PTPRK: variants seen among roughly 807,000 people sequenced by gnomAD.
The protein encoded by PTPRK is receptor-type tyrosine-protein phosphatase kappa.
PTPRK carries 75 observed loss-of-function variants against 178.0 expected under a neutral mutation model. The observed-to-expected ratio is 0.42, with a 90% CI of 0.35 to 0.51. The LOEUF (loss-of-function observed/expected upper bound fraction) is 0.51, where lower values mean the gene tolerates loss of function less well. Ranked by LOEUF, PTPRK falls within the 20% of genes least tolerant of loss-of-function variation. PTPRK has a pLI of 0.02. For missense variants in PTPRK, 1,441 were observed against 1,797.8 expected, an observed-to-expected ratio of 0.80 and a Z score of 3.59; for synonymous variants, 637 against 620.6, an observed-to-expected ratio of 1.03 and a Z score of -0.39.
intron 7 of PTPRK, among the ~76,000 whole-genome samples, chr6:128,130,701 C>A (rs978046519): frequency 6.6e-6 from 1 of 152,084 alleles, no homozygotes; most frequent in Non-Finnish European, 1.5e-5. Flanking sequence ...ATTCATTTGG[C>A]AATTACATTA....
chr6:128,123,155 CAG>C (rs1442510234), intron 7 of PTPRK, among the ~76,000 whole-genome samples: 2 of 152,032 alleles, frequency 1.3e-5, no homozygotes, highest in East Asian at 3.9e-4. Flanking sequence ...AAGATGAAAG[CAG>C]AGATTGGAGT....
chr6:128,271,986 T>A (rs17351677), intron 3 of PTPRK, among the ~76,000 whole-genome samples: 2 of 151,986 alleles, frequency 1.3e-5, no homozygotes, highest in African/African-American at 4.8e-5. Flanking sequence ...TTAACTATAA[T>A]GAAGTTCTGC....
chr6:128,260,835 G>A (rs1818072826), intron 3 of PTPRK, among the ~76,000 whole-genome samples: 1 of 152,176 alleles, frequency 6.6e-6, no homozygotes, highest in East Asian at 1.9e-4. Context: ...GGAAGTTGTA[G>A]TAAGTTACTT....
intron 2 of PTPRK, among the ~76,000 whole-genome samples, chr6:128,381,322 CTT>C (rs1001906010): frequency 6.6e-6 from 1 of 152,114 alleles, no homozygotes; most frequent in African/African-American, 2.4e-5. Context: ...ATTATTCTAT[CTT>C]TGTTATAAAA....
At chr6:128,486,986 G>A (rs1383216449) in intron 1 of PTPRK, among the ~76,000 whole-genome samples, 2 of 151,162 alleles carry the variant, frequency 1.3e-5, no homozygotes, top group Non-Finnish European at 2.9e-5. Flanking sequence ...ATTGACTTGT[G>A]GAATCAAAGG....
At chr6:128,354,229 A>ATGTTTTTTT (rs1833604137) in intron 2 of PTPRK, among the ~76,000 whole-genome samples, 8 of 27,746 alleles carry the variant, frequency 2.9e-4, no homozygotes, top group African/African-American at 5.7e-4. Context: ...TTTTTTGTTT[A>ATGTTTTTTT]TGTTTTTTTT....
intron 3 of PTPRK, among the ~76,000 whole-genome samples, chr6:128,278,359 T>C (rs1821115623): frequency 6.6e-6 from 1 of 152,080 alleles, no homozygotes; most frequent in South Asian, 2.1e-4. Flanking sequence ...TGTTTCACTC[T>C]GTTTGCCAGA....
At chr6:127,984,151 A>G (rs963120897) in intron 22 of PTPRK, among the ~76,000 whole-genome samples, 1 of 152,192 alleles carries the variant, frequency 6.6e-6, no homozygotes, top group Non-Finnish European at 1.5e-5. Context: ...TTGGGTACAT[A>G]GTGATATTTT....
intron 2 of PTPRK, among the ~76,000 whole-genome samples, chr6:128,389,423 T>TTG (rs1491039790): frequency 1.0e-5 from 1 of 99,250 alleles, no homozygotes; most frequent in African/African-American, 3.2e-5. Context: ...GTTTTTTTTG[T>TTG]TGTGTGTGTG....
intron 3 of PTPRK, among the ~76,000 whole-genome samples, chr6:128,294,462 TTC>T (rs1190227000): frequency 1.3e-5 from 2 of 152,110 alleles, no homozygotes; most frequent in East Asian, 3.9e-4. Flanking sequence ...CAAGCTGGTC[TTC>T]TTTAGAGTCC....
intron 4 of PTPRK, among the ~76,000 whole-genome samples, chr6:128,241,803 C>T (rs1297408463): frequency 1.5e-5 from 2 of 136,614 alleles, no homozygotes; most frequent in East Asian, 2.2e-4. Context: ...TTTTTTGAGA[C>T]GGAGTCTTGC....
intron 7 of PTPRK, among the ~76,000 whole-genome samples, chr6:128,131,358 A>T (rs1369294314): frequency 6.6e-6 from 1 of 152,166 alleles, no homozygotes; most frequent in East Asian, 1.9e-4. Context: ...TACACAAACC[A>T]TGCCTGACTT....
intron 3 of PTPRK, among the ~76,000 whole-genome samples, chr6:128,255,301 T>G (rs1188504569): frequency 6.6e-6 from 1 of 152,148 alleles, no homozygotes; most frequent in Non-Finnish European, 1.5e-5. Flanking sequence ...AAATCAGGTT[T>G]TAAGGATAGA....
At chr6:128,495,499 TACTC>T in intron 1 of PTPRK, among the ~76,000 whole-genome samples, 1 of 151,824 alleles carries the variant, frequency 6.6e-6, no homozygotes, top group African/African-American at 2.4e-5. Flanking sequence ...TCAAACCAAA[TACTC>T]AGGCAGCATC....
chr6:128,476,215 G>T (rs1052581873), intron 1 of PTPRK, among the ~76,000 whole-genome samples: 3 of 151,620 alleles, frequency 2.0e-5, no homozygotes, highest in Non-Finnish European at 2.9e-5. Context: ...TTTTTACTGG[G>T]GTCATAAAAT....
At chr6:128,202,045 C>T (rs1806056503) in intron 6 of PTPRK, among the ~76,000 whole-genome samples, 1 of 151,908 alleles carries the variant, frequency 6.6e-6, no homozygotes, top group African/African-American at 2.4e-5. Flanking sequence ...ATATATAGGC[C>T]CTGGAAAATG....
chr6:128,265,985 C>CTG (rs1818885953), intron 3 of PTPRK, among the ~76,000 whole-genome samples: 1 of 152,116 alleles, frequency 6.6e-6, no homozygotes, highest in South Asian at 2.1e-4. Context: ...TGAGTAGGCA[C>CTG]TGTCTATGAA....
intron 13 of PTPRK, among the ~76,000 whole-genome samples, chr6:128,060,624 C>T (rs745997742): frequency 2.0e-5 from 3 of 152,196 alleles, no homozygotes; most frequent in Non-Finnish European, 4.4e-5. Context: ...AATGAAAAGA[C>T]AATTTGAGCT....
chr6:128,379,522 T>C (rs1390990928), intron 2 of PTPRK, among the ~76,000 whole-genome samples: 1 of 152,190 alleles, frequency 6.6e-6, no homozygotes, highest in Non-Finnish European at 1.5e-5. Context: ...TAGGAAAGTC[T>C]TGATTTTACC....
Sources: allele counts gnomAD v4.1 joint callset (sites outside exome capture counted in the v4.1 genomes callset), GRCh38; gene constraint gnomAD v4.1.1; transcripts MANE v1.5; gene names NCBI Gene and HGNC (gene_info 2026-07-23, HGNC 2026-07-21).